The following MPDU1 variants were observed in gnomAD, a reference collection of about 807,000 sequenced individuals.
The protein encoded by MPDU1 is mannose-P-dolichol utilization defect 1, also known as mannose-P-dolichol utilization defect 1 protein.
MPDU1 carries 18 observed loss-of-function variants against 27.6 expected under a neutral mutation model. That is an observed-to-expected ratio of 0.65 (90% CI 0.45 to 0.97). The LOEUF is 0.97. Among genes scored for constraint, MPDU1 ranks in the 50% least tolerant of loss-of-function variants. The pLI, the probability that MPDU1 is intolerant of heterozygous loss-of-function variation, is 0.00. For missense variants in MPDU1, 279 were observed against 297.4 expected, an observed-to-expected ratio of 0.94 and a Z score of 0.46; for synonymous variants, 142 against 131.1, an observed-to-expected ratio of 1.08 and a Z score of -0.57.
Position 7,587,640 on chromosome 17 carries a change from C to T in MPDU1, c.*89C>T. The T allele has an allele frequency of 1.3e-6, 2 of 1,562,116 alleles. No individual in the cohort carries two copies. Among genetic ancestry groups the T allele is most frequent in the South Asian group, 2.2e-5 (2 of 89,292 alleles). On this transcript the variant is annotated 3_prime_UTR_variant, in exon 7 of 7. Transcript: ENST00000250124. ...AGCCAGCCTGCTGGTGTGACTTACT[C>T]ATCCTCCATTCCTCTGCACTTGCAG...
At chr17:7,586,573 G>T in intron 3 of MPDU1, 119 bp from the exon 4 acceptor site, 1 of 891,072 alleles carries the variant, frequency 1.1e-6, no homozygotes, top group South Asian at 1.4e-5. Flanking sequence ...AGCCAGTCCC[G>T]TGTGGGGGCT....
At position 7,587,184 on chromosome 17, in the gene MPDU1, C is replaced by T. The variant is rs1029641133; in HGVS notation, c.531C>T (p.Tyr177=). 43 of 1,614,022 alleles carry T rather than the reference C, an allele frequency of 2.7e-5. No homozygotes were observed. The highest frequency in any genetic ancestry group is 3.6e-5 in the Non-Finnish European group (42 of 1,180,030). Residue 177 remains tyrosine, a synonymous_variant, in exon 6 of 7, where the codon TAC becomes TAT. Coordinates refer to ENST00000250124, the MANE Select transcript of MPDU1 (RefSeq NM_004870.4). ...VGRLLQAATN[Y]HNGHTGQLSA... The stretch of plus-strand genomic sequence containing the variant: ...AGCTTCTCCAGGCAGCCACCAACTA[C>T]CACAACGGGCACACAGGCCAGCTCT...
At position 7,587,728 on chromosome 17, in the gene MPDU1, A is replaced by G; in HGVS notation, c.*177A>G. On this transcript the variant is annotated 3_prime_UTR_variant, in exon 7 of 7. Coordinates refer to ENST00000250124, the MANE Select transcript of MPDU1 (RefSeq NM_004870.4). Reference sequence around the variant, plus strand: ...TGGTTGATGGATCCAGATCCTTAGAAAAGGAGAGGATGGGGGTAGAGTCTC... The same window carrying G: ...TGGTTGATGGATCCAGATCCTTAGAGAAGGAGAGGATGGGGGTAGAGTCTC... 1 of 973,376 alleles carries G rather than the reference A, an allele frequency of 1.0e-6. No individual in the cohort carries two copies. The highest frequency in any genetic ancestry group is 1.6e-6 in the Non-Finnish European group (1 of 637,020). The allele number at this position is 973,376 out of a possible 1,614,324, so 60.3% of individuals were successfully genotyped here.
At position 7,587,986 on chromosome 17, in the gene MPDU1, G is replaced by T. The variant is rs1165120908; in HGVS notation, c.*435G>T. 2.1e-6 allele frequency: 1 copy of T among 479,290 alleles called. No homozygotes were observed. The highest frequency in any genetic ancestry group is 6.3e-4 in the Middle Eastern group (1 of 1,596). The allele number at this position is 479,290 out of a possible 1,614,324, so 29.7% of individuals were successfully genotyped here. ...AGGCTGTGGCTGCCTCCCTCCCTCAGCCCGGCTGGGACTGTCTCCCGGACC... is the reference window on the plus strand; with the variant it reads ...AGGCTGTGGCTGCCTCCCTCCCTCATCCCGGCTGGGACTGTCTCCCGGACC... On this transcript the variant is annotated 3_prime_UTR_variant, in exon 7 of 7. Transcript: ENST00000250124.
chr17:7,583,721 G>T (rs1215936806), upstream of MPDU1: 2 of 864,504 alleles, frequency 2.3e-6, no homozygotes, highest in Non-Finnish European at 3.9e-6. Context: ...TAGAGTGAGG[G>T]TGGGTAGCGT....
At chr17:7,586,581 G>A (rs1415656450) in intron 3 of MPDU1, 111 bp from the exon 4 acceptor site, 11 of 942,632 alleles carry the variant, frequency 1.2e-5, no homozygotes, top group Admixed American at 3.6e-5. Flanking sequence ...CCGTGTGGGG[G>A]CTGTAGAGAA....
chr17:7,587,243 C>T lies in MPDU1; in HGVS notation c.590C>T (p.Ser197Phe). The T allele has an allele frequency of 6.2e-7, 1 of 1,614,054 alleles. No homozygotes were observed. The highest frequency in any genetic ancestry group is 8.5e-7 in the Non-Finnish European group (1 of 1,180,002). Residue 197 changes from serine to phenylalanine, a missense_variant, in exon 6 of 7, where the codon TCC becomes TTC. Physicochemically the swap from Ser to Phe is radical, Grantham distance 155. Transcript: ENST00000250124. The stretch of plus-strand genomic sequence containing the variant: ...ACAGTCTTCCTGCTGTTTGGGGGCT[C>T]CCTGGCCCGAATCTTCACTTCCATT... ...AITVFLLFGG[S>F]LARIFTSIQE...
intron 1 of MPDU1, chr17:7,584,233 CAAAAT>C (rs939405379): frequency 5.0e-6 from 3 of 597,266 alleles, no homozygotes; most frequent in Non-Finnish European, 8.9e-6. Flanking sequence ...TTTTATAAAA[CAAAAT>C]AAAAATTAAG....
At position 7,587,035 on chromosome 17, in the gene MPDU1, G is replaced by C; in HGVS notation, c.507+18G>C. 6.3e-7 allele frequency: 1 copy of C among 1,597,856 alleles called. No individual in the cohort carries two copies. Among genetic ancestry groups the C allele is most frequent in the Non-Finnish European group, 8.6e-7 (1 of 1,167,390 alleles). ...TGGGGAGGGTGGGTACCAGGAGCAAGGGACAAGATGTTGTGGGGGCAGGGT... is the reference window on the plus strand; with the variant it reads ...TGGGGAGGGTGGGTACCAGGAGCAACGGACAAGATGTTGTGGGGGCAGGGT... On this transcript the variant is annotated intron_variant, in intron 5 of 6. Transcript: ENST00000250124.
chr17:7,586,803 G>T (rs756480649), intron 4 of MPDU1, 26 bp downstream of exon 4: 5 of 1,613,070 alleles, frequency 3.1e-6, no homozygotes, highest in Non-Finnish European at 4.2e-6. Flanking sequence ...CCAAGAGCAG[G>T]CTGTGTGGTT....
At chr17:7,584,060 G>A in intron 1 of MPDU1, 95 bp downstream of exon 1, 1 of 1,234,810 alleles carries the variant, frequency 8.1e-7, no homozygotes, top group Non-Finnish European at 1.2e-6. Flanking sequence ...GGCAGTGACT[G>A]CCGCCATGCC....
intron 1 of MPDU1, among the ~76,000 whole-genome samples, chr17:7,584,714 G>C (rs1411409487): frequency 6.6e-6 from 1 of 152,192 alleles, no homozygotes; most frequent in Non-Finnish European, 1.5e-5. Flanking sequence ...GGTATGGGGC[G>C]GGCACGGTGG....
intron 3 of MPDU1, 36 bp from the exon 4 acceptor site, chr17:7,586,656 G>A: frequency 6.3e-7 from 1 of 1,593,152 alleles, no homozygotes; most frequent in Admixed American, 1.7e-5. Context: ...CTCTTTCTAG[G>A]CCCGCCTTTC....
In MPDU1 at chr17:7,587,196, C is replaced by T; in HGVS notation, c.543C>T (p.His181=). The change falls in exon 6 of 7, where the codon CAC becomes CAT. Residue 181 remains histidine (H), a synonymous_variant. Coordinates refer to ENST00000250124, the MANE Select transcript of MPDU1 (RefSeq NM_004870.4). ...LQAATNYHNG[H]TGQLSAITVF... is the part of the protein sequence containing the mutation. ...CAGCCACCAACTACCACAACGGGCA[C>T]ACAGGCCAGCTCTCAGCCATCACAG... 2 of 1,614,128 alleles carry T rather than the reference C, an allele frequency of 1.2e-6. No individual in the cohort carries two copies. The highest frequency in any genetic ancestry group is 1.7e-6 in the Non-Finnish European group (2 of 1,180,028).
chr17:7,585,332 T>G (rs1455805927), intron 1 of MPDU1, among the ~76,000 whole-genome samples: 1 of 151,728 alleles, frequency 6.6e-6, no homozygotes, highest in Non-Finnish European at 1.5e-5. Flanking sequence ...AGGTCAGGAG[T>G]TCGAGACCAG....
chr17:7,584,177 T>G, intron 1 of MPDU1: 1 of 622,050 alleles, frequency 1.6e-6, no homozygotes, highest in Non-Finnish European at 2.9e-6. Context: ...GAATTACTTC[T>G]TTGTGGAGTT....
chr17:7,583,908 A>G lies in MPDU1; in HGVS notation c.46A>G (p.Ile16Val), dbSNP rs2071536913. The G allele has an allele frequency of 6.2e-7, 1 of 1,614,082 alleles. No individual in the cohort carries two copies. Among genetic ancestry groups the G allele is most frequent in the African/African-American group, 1.3e-5 (1 of 74,942 alleles). ...DGPLKRLLVP[I>V]LLPEKCYDQL... ...ACCGCTTAAACGGCTGCTCGTGCCG[A>G]TTCTTTTACCTGAGAAATGCTACGA... Residue 16 changes from isoleucine (I) to valine (V), a missense_variant, in exon 1 of 7, where the codon ATT becomes GTT. Physicochemically the swap from Ile to Val is conservative, Grantham distance 29. Coordinates refer to ENST00000250124, the MANE Select transcript of MPDU1 (RefSeq NM_004870.4).
At position 7,585,749 on chromosome 17, in the gene MPDU1, C is replaced by T. The variant is rs199498675; in HGVS notation, c.121C>T (p.Leu41Phe). ...CTCCTCAGTCCCCTGCCTCAAGATT[C>T]TCCTCAGCAAAGGCCTGGGGCTGGG... is the stretch of plus-strand genomic sequence containing the variant. ...DLLHVPCLKI[L>F]LSKGLGLGIV... is the part of the protein sequence containing the mutation. Residue 41 changes from leucine to phenylalanine, a missense_variant, in exon 2 of 7, where the codon CTC becomes TTC. Transcript: ENST00000250124. 2.5e-6 allele frequency: 4 copies of T among 1,614,156 alleles called. No homozygotes were observed. The highest frequency in any genetic ancestry group is 4.5e-5 in the East Asian group (2 of 44,894).
chr17:7,584,233 C>G (rs990188668), intron 1 of MPDU1: 5 of 597,266 alleles, frequency 8.4e-6, no homozygotes, highest in Non-Finnish European at 1.5e-5. Flanking sequence ...TTTTATAAAA[C>G]AAAATAAAAA....
Sources: gnomAD v4.1 joint callset for allele counts (sites outside exome capture counted in the v4.1 genomes callset) on GRCh38, gnomAD v4.1.1 for gene constraint, MANE v1.5 for transcripts, NCBI Gene and HGNC (gene_info 2026-07-23, HGNC 2026-07-21) for gene names.